AMN1: variants seen among roughly 807,000 people sequenced by gnomAD.
The protein encoded by AMN1 is protein AMN1 homolog.
AMN1 carries 20 observed loss-of-function variants against 33.0 expected under a neutral mutation model. That is an observed-to-expected ratio of 0.61 (90% confidence interval 0.43 to 0.88). The LOEUF (loss-of-function observed/expected upper bound fraction) is 0.88. AMN1 is among the 40% of genes least tolerant of loss of function. The probability of loss-of-function intolerance (pLI) is 0.00; values close to 1 mark genes in which losing one functional copy is unlikely to be tolerated. For missense variants in AMN1, 246 were observed against 307.4 expected, an observed-to-expected ratio of 0.80 and a Z score of 1.49; for synonymous variants, 114 against 111.9, an observed-to-expected ratio of 1.02 and a Z score of -0.12.
intron 1 of AMN1, among the ~76,000 whole-genome samples, chr12:31,716,290 T>C (rs565592804): frequency 1.1e-3 from 174 of 152,362 alleles, no homozygotes; most frequent in African/African-American, 4.1e-3. Context: ...TTTGTAACTC[T>C]TTATTATTAT....
chr12:31,723,820 C>T (rs563176500), intron 1 of AMN1, among the ~76,000 whole-genome samples: 1 of 152,326 alleles, frequency 6.6e-6, no homozygotes, highest in Admixed American at 6.5e-5. Flanking sequence ...AGGTTACCAA[C>T]TCCTGCCCTA....
At chr12:31,685,508 A>T (rs1010873303) in intron 6 of AMN1, among the ~76,000 whole-genome samples, 3 of 152,104 alleles carry the variant, frequency 2.0e-5, no homozygotes, top group African/African-American at 7.2e-5. Flanking sequence ...TCCACTATAG[A>T]ACGCTCAAAC....
intron 1 of AMN1, among the ~76,000 whole-genome samples, chr12:31,721,779 A>T (rs529976854): frequency 5.2e-4 from 79 of 152,350 alleles, no homozygotes; most frequent in African/African-American, 1.7e-3. Flanking sequence ...TAGGACTGTG[A>T]ACTGTGAAAA....
At chr12:31,719,650 G>A (rs1030217374) in intron 1 of AMN1, among the ~76,000 whole-genome samples, 1 of 152,178 alleles carries the variant, frequency 6.6e-6, no homozygotes, top group African/African-American at 2.4e-5. Flanking sequence ...AACATTGAGA[G>A]TAGGCATGTA....
chr12:31,724,121 A>G (rs147444239), intron 1 of AMN1, among the ~76,000 whole-genome samples: 20 of 152,320 alleles, frequency 1.3e-4, no homozygotes, highest in African/African-American at 4.1e-4. Flanking sequence ...CCTAAATCCT[A>G]TATATACACC....
rs539315382 is a variant in AMN1 at position 31,694,643 on chromosome 12, A to C, written c.591+2718T>G. Among the ~76,000 whole-genome samples the C allele has an allele frequency of 2.0e-5, 3 of 152,086 alleles. No individual in the cohort carries two copies. In the East Asian group the frequency reaches 5.8e-4, roughly 29 times the overall value. On this transcript the variant is annotated intron_variant, in intron 5 of 6. Transcript: ENST00000281471. ...TACCTGTAGCCCCAGCTATTTAGGA[A>C]GCTGAGGTGGGAGGATTGCTTGAGC...
Position 31,685,247 on chromosome 12 carries a change from T to C in AMN1, c.703+3760A>G, listed in dbSNP as rs1007579447. On this transcript the variant is annotated intron_variant, in intron 6 of 6. Coordinates refer to ENST00000281471, the MANE Select transcript of AMN1 (RefSeq NM_001113402.2). Reference sequence around the variant, plus strand: ...TTTCACCATGTTGGCCAGGTTGGTCTTGAACTCCTGACCTCAAGTGGTCTG... The same window carrying C: ...TTTCACCATGTTGGCCAGGTTGGTCCTGAACTCCTGACCTCAAGTGGTCTG... 2.0e-5 allele frequency among the ~76,000 whole-genome samples: 3 copies of C among 151,984 alleles called. No homozygotes were observed. In the East Asian group the frequency reaches 5.8e-4, roughly 30 times the overall value.
chr12:31,694,257 C>T lies in AMN1; in HGVS notation c.591+3104G>A, dbSNP rs1938625048. Among the ~76,000 whole-genome samples, 4 of 151,570 alleles carry T rather than the reference C, an allele frequency of 2.6e-5. No homozygotes were observed. The South Asian group carries it at 8.3e-4, about 32-fold the overall frequency. ...AGGTGTTTGAGACCAGCCTGGCCAA[C>T]ATGGTGAAACCCTGGCTCTACTAAA... On this transcript the variant is annotated intron_variant, in intron 5 of 6. Coordinates refer to ENST00000281471, the MANE Select transcript of AMN1 (RefSeq NM_001113402.2).
At chr12:31,709,487 T>C (rs1037703020) in intron 1 of AMN1, 62 bp from the exon 2 acceptor site, 1 of 1,537,512 alleles carries the variant, frequency 6.5e-7, no homozygotes. Flanking sequence ...AACACTTGTC[T>C]TAATGCTATT....
chr12:31,725,204 A>G (rs149693791), intron 1 of AMN1, among the ~76,000 whole-genome samples: 82 of 152,328 alleles, frequency 5.4e-4, no homozygotes, highest in Non-Finnish European at 1.0e-3. Flanking sequence ...TGTTTGTCCT[A>G]AAAATCAAAA....
intron 5 of AMN1, among the ~76,000 whole-genome samples, chr12:31,689,755 T>A (rs932800765): frequency 2.6e-5 from 4 of 152,362 alleles, no homozygotes; most frequent in East Asian, 1.9e-4. Flanking sequence ...AAATTATTTT[T>A]AAATTTTTTA....
chr12:31,700,150 AT>A lies in AMN1; in HGVS notation c.316+1712del, dbSNP rs201077141. Among the ~76,000 whole-genome samples the A allele has an allele frequency of 8.1e-3, 1,223 of 150,380 alleles. 17 individuals are homozygous for A. The highest frequency in any genetic ancestry group is 0.028 in the African/African-American group (1,152 of 40,906). On this transcript the variant is annotated intron_variant, in intron 3 of 6. Transcript: ENST00000281471. ...GGCCAAAAAAGTCCCTCTTTCTTATATTTAAAAAAAAAAAAAAAGCCTGGGC... is the reference window on the plus strand; with the variant it reads ...GGCCAAAAAAGTCCCTCTTTCTTATATTAAAAAAAAAAAAAAAGCCTGGGC...
intron 6 of AMN1, 98 bp from the exon 7 acceptor site, chr12:31,672,475 A>G (rs1030369129): frequency 4.1e-5 from 35 of 858,358 alleles, no homozygotes; most frequent in Non-Finnish European, 6.4e-5. Flanking sequence ...TTATACAGTT[A>G]TTTAAAGGAT....
At chr12:31,715,680 A>T (rs1194823208) in intron 1 of AMN1, 1 of 157,194 alleles carries the variant, frequency 6.4e-6, no homozygotes, top group Non-Finnish European at 1.4e-5. Flanking sequence ...GAAATAAGGA[A>T]CTCTGGGATG....
intron 6 of AMN1, among the ~76,000 whole-genome samples, chr12:31,688,031 T>G (rs1203152668): frequency 6.6e-6 from 1 of 152,212 alleles, no homozygotes; most frequent in Non-Finnish European, 1.5e-5. Context: ...CTCAGCTCAC[T>G]GCAACCTCCA....
At chr12:31,710,021 G>A (rs558416104) in intron 1 of AMN1, among the ~76,000 whole-genome samples, 1 of 152,132 alleles carries the variant, frequency 6.6e-6, no homozygotes, top group South Asian at 2.1e-4. Flanking sequence ...TAATTTCTAA[G>A]ACACATACTC....
intron 6 of AMN1, 100 bp from the exon 7 acceptor site, chr12:31,672,477 T>G (rs921043051): frequency 1.2e-6 from 1 of 806,046 alleles, no homozygotes; most frequent in African/African-American, 1.7e-5. Flanking sequence ...ATACAGTTAT[T>G]TAAAGGATTA....
upstream of AMN1, chr12:31,729,102 G>T: frequency 7.3e-7 from 1 of 1,373,814 alleles, no homozygotes; most frequent in Admixed American, 2.5e-5. Flanking sequence ...GCGACGCGTA[G>T]GTTTTTGTGA....
At chr12:31,692,755 T>C (rs928336551) in intron 5 of AMN1, among the ~76,000 whole-genome samples, 7 of 152,260 alleles carry the variant, frequency 4.6e-5, no homozygotes, top group East Asian at 3.9e-4. Flanking sequence ...ATACGGACAG[T>C]CTGTTCTCTG....
Sources: gnomAD v4.1 joint callset for allele counts (sites outside exome capture counted in the v4.1 genomes callset) on GRCh38, gnomAD v4.1.1 for gene constraint, MANE v1.5 for transcripts, NCBI Gene and HGNC (gene_info 2026-07-23, HGNC 2026-07-21) for gene names.